PXDNL: variants seen among roughly 807,000 people sequenced by gnomAD.
PXDNL encodes peroxidasin like.
A neutral mutation model predicts 150.8 loss-of-function variants in PXDNL; 145 were observed. The ratio of observed to expected loss-of-function variants is 0.96; its 90% confidence interval spans 0.84 to 1.10. The LOEUF (loss-of-function observed/expected upper bound fraction) is 1.10, where lower values mean the gene tolerates loss of function less well. PXDNL is among the 50% of genes least tolerant of loss of function. PXDNL has a pLI of 0.00. For missense variants in PXDNL, 2,087 were observed against 1,873.9 expected (o/e 1.11, Z -2.10); for synonymous variants, 757 against 725.7 (o/e 1.04, Z -0.69).
At position 51,320,916 on chromosome 8, in the gene PXDNL, G is replaced by T; in HGVS notation, c.4147-19C>A. 1 of 1,573,932 alleles carries T rather than the reference G, an allele frequency of 6.4e-7. No homozygotes were observed. The highest frequency in any genetic ancestry group is 8.7e-7 in the Non-Finnish European group (1 of 1,144,268). On this transcript the variant is annotated intron_variant, in intron 21 of 22. Transcript: ENST00000356297. ...TGTTTATCTGAAAGGGGAGGCAAAG[G>T]AAAGAAGAGTGGAAATTGAAGCGGA...
At chr8:51,695,431 T>C (rs1285606184) in intron 1 of PXDNL, among the ~76,000 whole-genome samples, 2 of 152,144 alleles carry the variant, frequency 1.3e-5, no homozygotes, top group African/African-American at 2.4e-5. Context: ...TTACCAATTA[T>C]ATCAGGGAGA....
At chr8:51,355,992 G>A (rs78569069) in intron 19 of PXDNL, among the ~76,000 whole-genome samples, 2,636 of 152,294 alleles carry the variant, frequency 0.017, 67 homozygotes, top group African/African-American at 0.057. Flanking sequence ...GAAAACTAAC[G>A]ACGAGGTCAC....
At chr8:51,471,572 T>C (rs1431224760) in intron 8 of PXDNL, among the ~76,000 whole-genome samples, 1 of 152,244 alleles carries the variant, frequency 6.6e-6, no homozygotes, top group Non-Finnish European at 1.5e-5. Context: ...CAAATTATAT[T>C]CAGCTTTAAA....
intron 12 of PXDNL, among the ~76,000 whole-genome samples, chr8:51,431,441 G>A (rs1164130369): frequency 6.6e-6 from 1 of 152,096 alleles, no homozygotes; most frequent in African/African-American, 2.4e-5. Context: ...CTTCATTAAG[G>A]CTTCGATTTC....
chr8:51,350,354 CTTT>C (rs1163628780), intron 19 of PXDNL, among the ~76,000 whole-genome samples: 10 of 77,892 alleles, frequency 1.3e-4, no homozygotes, highest in African/African-American at 5.2e-4. Flanking sequence ...AATGCAGCTT[CTTT>C]TTTTTTTTTT....
chr8:51,382,977 T>G (rs2130815917), intron 17 of PXDNL, among the ~76,000 whole-genome samples: 1 of 152,312 alleles, frequency 6.6e-6, no homozygotes, highest in Middle Eastern at 3.4e-3. Flanking sequence ...ATCCTTATTG[T>G]TCCATATTAC....
chr8:51,623,062 T>G (rs1281324167), intron 2 of PXDNL, among the ~76,000 whole-genome samples: 1 of 152,266 alleles, frequency 6.6e-6, no homozygotes, highest in African/African-American at 2.4e-5. Flanking sequence ...GTACAAAGGT[T>G]TCCATACTTC....
intron 5 of PXDNL, among the ~76,000 whole-genome samples, chr8:51,488,370 G>A (rs1457166365): frequency 6.6e-6 from 1 of 152,144 alleles, no homozygotes; most frequent in Non-Finnish European, 1.5e-5. Flanking sequence ...AGGGGCAGAG[G>A]AGGGAGAAGT....
intron 1 of PXDNL, among the ~76,000 whole-genome samples, chr8:51,788,236 G>A (rs2037478551): frequency 6.6e-6 from 1 of 152,172 alleles, no homozygotes; most frequent in Non-Finnish European, 1.5e-5. Flanking sequence ...ATGTAAATTA[G>A]CTAATAATTT....
intron 13 of PXDNL, among the ~76,000 whole-genome samples, chr8:51,423,977 T>C (rs527858659): frequency 6.6e-6 from 1 of 152,282 alleles, no homozygotes; most frequent in South Asian, 2.1e-4. Flanking sequence ...ATCATGTAAT[T>C]ATTTAACATA....
At chr8:51,477,521 C>T (rs1270576479) in intron 6 of PXDNL, among the ~76,000 whole-genome samples, 6 of 152,156 alleles carry the variant, frequency 3.9e-5, no homozygotes, top group Admixed American at 2.0e-4. Flanking sequence ...GTACCAGCTA[C>T]GTGGCTATAA....
At chr8:51,637,938 G>C (rs990830180) in intron 2 of PXDNL, among the ~76,000 whole-genome samples, 2 of 152,162 alleles carry the variant, frequency 1.3e-5, no homozygotes, top group African/African-American at 2.4e-5. Flanking sequence ...AAAATGTTAA[G>C]GGCAGCCAGA....
intron 19 of PXDNL, among the ~76,000 whole-genome samples, chr8:51,348,893 A>G (rs527356374): frequency 6.6e-6 from 1 of 152,314 alleles, no homozygotes; most frequent in South Asian, 2.1e-4. Flanking sequence ...ACAGCACAGA[A>G]TGAGGAAAAC....
chr8:51,399,624 G>A (rs946940181), intron 17 of PXDNL, among the ~76,000 whole-genome samples: 4 of 152,188 alleles, frequency 2.6e-5, no homozygotes, highest in Non-Finnish European at 5.9e-5. Context: ...CTGGAATGAT[G>A]ACAATGCTCT....
chr8:51,498,358 C>G (rs1047191439), intron 5 of PXDNL, among the ~76,000 whole-genome samples: 10 of 151,586 alleles, frequency 6.6e-5, no homozygotes, highest in Non-Finnish European at 1.2e-4. Flanking sequence ...GTGCAGCACA[C>G]CAACATGGCA....
At chr8:51,793,422 C>T (rs2037531727) in intron 1 of PXDNL, among the ~76,000 whole-genome samples, 1 of 152,178 alleles carries the variant, frequency 6.6e-6, no homozygotes, top group African/African-American at 2.4e-5. Flanking sequence ...AAAGACAGAG[C>T]ACCACTTCTC....
chr8:51,582,707 TA>T (rs1178855647), intron 3 of PXDNL, among the ~76,000 whole-genome samples: 1 of 152,212 alleles, frequency 6.6e-6, no homozygotes, highest in African/African-American at 2.4e-5. Flanking sequence ...TCAATTATGA[TA>T]AAATTATATG....
At chr8:51,773,408 C>A (rs1187599061) in intron 1 of PXDNL, among the ~76,000 whole-genome samples, 1 of 152,102 alleles carries the variant, frequency 6.6e-6, no homozygotes, top group Non-Finnish European at 1.5e-5. Flanking sequence ...CTTCTGTGGA[C>A]CCTCTGGGAG....
chr8:51,791,290 G>A (rs1046189283), intron 1 of PXDNL, among the ~76,000 whole-genome samples: 3 of 152,166 alleles, frequency 2.0e-5, no homozygotes, highest in Non-Finnish European at 4.4e-5. Flanking sequence ...TAGATCATGT[G>A]GTCACATGAC....
Sources: gnomAD v4.1 joint callset for allele counts (sites outside exome capture counted in the v4.1 genomes callset) on GRCh38, gnomAD v4.1.1 for gene constraint, MANE v1.5 for transcripts, NCBI Gene and HGNC (gene_info 2026-07-23, HGNC 2026-07-21) for gene names.